The following JAKMIP1 variants were observed in gnomAD, a reference collection of about 807,000 sequenced individuals.
JAKMIP1 encodes the protein janus kinase and microtubule interacting protein 1.
Under a neutral mutation model 113.0 loss-of-function variants are expected in JAKMIP1, and 33 were observed. The ratio of observed to expected loss-of-function variants is 0.29; its 90% confidence interval spans 0.22 to 0.39. The LOEUF is 0.39. Ranked by LOEUF, JAKMIP1 falls within the 10% of genes least tolerant of loss-of-function variation. The pLI is 1.00. For missense variants in JAKMIP1, 813 were observed against 1,080.5 expected (o/e 0.75, Z 3.47); for synonymous variants, 480 against 459.9 (o/e 1.04, Z -0.56).
At chr4:6,120,299 T>C (rs1716519379) in intron 1 of JAKMIP1, among the ~76,000 whole-genome samples, 1 of 152,128 alleles carries the variant, frequency 6.6e-6, no homozygotes, top group South Asian at 2.1e-4. Context: ...TGTACTGACT[T>C]AAAAAGCTAC....
rs1040421192 is a variant in JAKMIP1, at chr4:6,076,694, G to A, written c.1302+2245C>T. On this transcript the variant is annotated intron_variant, in intron 8 of 20. Transcript: ENST00000409021. The surrounding 1 kb of genome is among the most constrained non-coding windows in gnomAD (Gnocchi z 4.8). ...TTATCTGAAATACTTGGAACCAGAAGGAATTTTGGATGTTTTTTCAGATTT... is the reference window on the plus strand; with the variant it reads ...TTATCTGAAATACTTGGAACCAGAAAGAATTTTGGATGTTTTTTCAGATTT... Among the ~76,000 whole-genome samples the A allele has an allele frequency of 2.0e-5, 3 of 152,130 alleles. No individual in the cohort carries two copies. Among genetic ancestry groups the A allele is most frequent in the Non-Finnish European group, 4.4e-5 (3 of 68,014 alleles).
At chr4:6,196,036 G>C (rs992669035) in intron 1 of JAKMIP1, among the ~76,000 whole-genome samples, 3 of 152,202 alleles carry the variant, frequency 2.0e-5, no homozygotes, top group Non-Finnish European at 4.4e-5. Context: ...ACAGACTTAT[G>C]AAAGGCATAA....
chr4:6,105,707 C>G lies in JAKMIP1; in HGVS notation c.390G>C (p.Thr130=), dbSNP rs982443762. 1.9e-6 allele frequency: 3 copies of G among 1,602,428 alleles called. No homozygotes were observed. Among genetic ancestry groups the G allele is most frequent in the Non-Finnish European group, 1.7e-6 (2 of 1,177,374 alleles). The change falls in exon 3 of 21, where the codon ACG becomes ACC. Residue 130 remains threonine (T), a synonymous_variant. Coordinates refer to ENST00000409021, the MANE Select transcript of JAKMIP1 (RefSeq NM_001099433.2). The part of the protein sequence containing the change: ...LRDGAADKVK[T]ALLTEAREEA... ...CCTCGCGCGCCTCGGTCAGCAGCGC[C>G]GTCTTGACCTTGTCGGCCGCGCCGT...
intron 18 of JAKMIP1, among the ~76,000 whole-genome samples, chr4:6,038,870 C>T (rs1449108000): frequency 6.6e-6 from 1 of 152,190 alleles, no homozygotes; most frequent in Non-Finnish European, 1.5e-5. Flanking sequence ...ACGCACCACT[C>T]GATTCTGGAA....
At chr4:6,072,624 C>T (rs1719127081) in intron 8 of JAKMIP1, among the ~76,000 whole-genome samples, 1 of 152,202 alleles carries the variant, frequency 6.6e-6, no homozygotes. Flanking sequence ...TACTATTAGC[C>T]TCTCTGAGTG....
intron 2 of JAKMIP1, among the ~76,000 whole-genome samples, chr4:6,110,702 C>A (rs1387964789): frequency 8.1e-5 from 12 of 147,912 alleles, no homozygotes; most frequent in African/African-American, 2.7e-4. Context: ...AGGAGGCAGA[C>A]ACCTTAGAGG....
In JAKMIP1 at chr4:6,179,623, G is replaced by A. The variant is rs1725792110; in HGVS notation, c.-148+20630C>T. The stretch of plus-strand genomic sequence containing the variant: ...CCAGGCAGAGAACAAGGGAAGGGAA[G>A]TGGCCCAGCAGTGGCCCTGAGTCAG... On this transcript the variant is annotated intron_variant, in intron 1 of 20. Coordinates refer to ENST00000409021, the MANE Select transcript of JAKMIP1 (RefSeq NM_001099433.2). This position sits in a 1 kb window ranked among gnomAD's most constrained non-coding sequence, Gnocchi z 4.5. Among the ~76,000 whole-genome samples, 1 of 152,258 alleles carries A rather than the reference G, an allele frequency of 6.6e-6. No homozygotes were observed. The highest frequency in any genetic ancestry group is 2.4e-5 in the African/African-American group (1 of 41,458).
intron 10 of JAKMIP1, 56 bp from the exon 11 acceptor site, chr4:6,060,563 G>T: frequency 7.6e-7 from 1 of 1,321,632 alleles, no homozygotes; most frequent in South Asian, 1.2e-5. Flanking sequence ...TGACAGGGAA[G>T]CGGAAAGCGT....
At chr4:6,169,603 T>TTTTGTGTG (rs1553860158) in intron 1 of JAKMIP1, among the ~76,000 whole-genome samples, 1 of 137,284 alleles carries the variant, frequency 7.3e-6, no homozygotes, top group Non-Finnish European at 1.5e-5. Flanking sequence ...CCCTAGGAAA[T>TTTTGTGTG]TGTGTGTGTG....
Position 6,183,106 on chromosome 4 carries a change from G to C in JAKMIP1, c.-148+17147C>G, listed in dbSNP as rs1726229440. On this transcript the variant is annotated intron_variant, in intron 1 of 20. Coordinates refer to ENST00000409021, the MANE Select transcript of JAKMIP1 (RefSeq NM_001099433.2). The surrounding 1 kb of genome is among the most constrained non-coding windows in gnomAD (Gnocchi z 5.3). ...TGAGACAGAACAAAGAGCTAAACATGATACAGGCAGATAACAATACCACAG... is the reference window on the plus strand; with the variant it reads ...TGAGACAGAACAAAGAGCTAAACATCATACAGGCAGATAACAATACCACAG... Among the ~76,000 whole-genome samples, 1 of 152,200 alleles carries C rather than the reference G, an allele frequency of 6.6e-6. No individual in the cohort carries two copies. The highest frequency in any genetic ancestry group is 2.1e-4 in the South Asian group (1 of 4,826).
intron 18 of JAKMIP1, among the ~76,000 whole-genome samples, chr4:6,038,877 G>A (rs1455567801): frequency 6.6e-6 from 1 of 152,216 alleles, no homozygotes; most frequent in Non-Finnish European, 1.5e-5. Context: ...ACTCGATTCT[G>A]GAAATCCCGT....
Position 6,061,761 on chromosome 4 carries a change from G to A in JAKMIP1, c.1560+551C>T, listed in dbSNP as rs939664912. 8.5e-5 allele frequency among the ~76,000 whole-genome samples: 13 copies of A among 152,172 alleles called. No homozygotes were observed. Among genetic ancestry groups the A allele is most frequent in the African/African-American group, 1.9e-4 (8 of 41,444 alleles). ...GTCCTCCACACTCCCAGGAGGAAGC[G>A]AGAGCAGGCCCCAGTCTATGTGACT... On this transcript the variant is annotated intron_variant, in intron 10 of 20. Transcript: ENST00000409021. The surrounding 1 kb of genome is among the most constrained non-coding windows in gnomAD (Gnocchi z 5.3).
At chr4:6,092,710 C>G (rs1037366828) in intron 3 of JAKMIP1, among the ~76,000 whole-genome samples, 1 of 152,164 alleles carries the variant, frequency 6.6e-6, no homozygotes, top group African/African-American at 2.4e-5. Flanking sequence ...AATAGAAAAC[C>G]TTTTCAGTGT....
intron 1 of JAKMIP1, among the ~76,000 whole-genome samples, chr4:6,165,686 A>C (rs748019955): frequency 2.6e-5 from 4 of 152,216 alleles, no homozygotes; most frequent in Non-Finnish European, 5.9e-5. Flanking sequence ...CAGAGTGTAA[A>C]CATAACTTTT....
chr4:6,064,753 G>A lies in JAKMIP1; in HGVS notation c.1431+127C>T. The A allele has an allele frequency of 8.2e-7, 1 of 1,226,560 alleles. No individual in the cohort carries two copies. 76.0% of individuals were successfully genotyped at this position (1,226,560 alleles called of 1,614,324 possible). On this transcript the variant is annotated intron_variant, in intron 9 of 20. Coordinates refer to ENST00000409021, the MANE Select transcript of JAKMIP1 (RefSeq NM_001099433.2). The surrounding 1 kb of genome is among the most constrained non-coding windows in gnomAD (Gnocchi z 4.3). Reference sequence around the variant, plus strand: ...CACCATTGGCTTTGATAATGCACTGGTAGGAACTGGTCATCTGGGGTTCAG... The same window carrying A: ...CACCATTGGCTTTGATAATGCACTGATAGGAACTGGTCATCTGGGGTTCAG...
intron 1 of JAKMIP1, among the ~76,000 whole-genome samples, chr4:6,182,990 C>G (rs564387785): frequency 6.6e-6 from 1 of 152,346 alleles, no homozygotes; most frequent in Admixed American, 6.5e-5. Context: ...AGCCCTTCCT[C>G]CCGCTCAGCT....
In JAKMIP1 at chr4:6,035,826, G is replaced by T. The variant is rs1713348641; in HGVS notation, c.2379+78C>A. On this transcript the variant is annotated intron_variant, in intron 19 of 20. Transcript: ENST00000409021. Reference sequence around the variant, plus strand: ...TGGAATGAGCCTGGGGCACTCAGAGGCCCATCAGGGTGCCAAGGTGCACAC... The same window carrying T: ...TGGAATGAGCCTGGGGCACTCAGAGTCCCATCAGGGTGCCAAGGTGCACAC... 4.8e-6 allele frequency: 6 copies of T among 1,252,380 alleles called. No homozygotes were observed. In the South Asian group the frequency reaches 7.3e-5, roughly 15 times the overall value. 77.6% of individuals were successfully genotyped at this position (1,252,380 alleles called of 1,614,324 possible).
intron 8 of JAKMIP1, among the ~76,000 whole-genome samples, chr4:6,073,747 T>C (rs899253722): frequency 2.6e-5 from 4 of 152,204 alleles, no homozygotes; most frequent in African/African-American, 9.6e-5. Context: ...ACTTGGCCAA[T>C]CCCATCCAGC....
At chr4:6,056,847 T>C (rs1716542193) in intron 11 of JAKMIP1, 88 bp from the exon 12 acceptor site, 1 of 889,464 alleles carries the variant, frequency 1.1e-6, no homozygotes. Context: ...TCACTTTCTA[T>C]GAAACTGACC....
Sources: gnomAD v4.1 joint callset for allele counts (sites outside exome capture counted in the v4.1 genomes callset) on GRCh38, gnomAD v4.1.1 for gene constraint, Gnocchi (gnomAD v3.1) non-coding constraint, MANE v1.5 for transcripts, NCBI Gene and HGNC (gene_info 2026-07-23, HGNC 2026-07-21) for gene names.